COCH: variants seen among roughly 807,000 people sequenced by gnomAD.
COCH encodes the protein cochlin.
A neutral mutation model predicts 54.8 loss-of-function variants in COCH; 40 were observed. The ratio of observed to expected loss-of-function variants is 0.73; its 90% confidence interval spans 0.57 to 0.95. The LOEUF is 0.95. COCH is among the 40% of genes least tolerant of loss of function. The pLI, the probability that COCH is intolerant of heterozygous loss-of-function variation, is 0.00. For missense variants in COCH, 605 were observed against 675.0 expected, an observed-to-expected ratio of 0.90 and a Z score of 1.15; for synonymous variants, 256 against 237.9, an observed-to-expected ratio of 1.08 and a Z score of -0.70.
rs1895407543 is a variant in COCH, at chr14:30,877,551, T to A, written c.83-21T>A. ...CAAGAAGTCCTAAGAATGCTTACAA[T>A]ATTATCTCCTTTTTCTTCAGCTCCC... On this transcript the variant is annotated intron_variant, in intron 3 of 11. Transcript: ENST00000396618. This position sits in a 1 kb window ranked among gnomAD's most constrained non-coding sequence, Gnocchi z 8.6. 2 of 1,613,482 alleles carry A rather than the reference T, an allele frequency of 1.2e-6. No individual in the cohort carries two copies. Among genetic ancestry groups the A allele is most frequent in the South Asian group, 2.2e-5 (2 of 91,070 alleles).
intron 3 of COCH, 142 bp downstream of exon 3, chr14:30,875,245 C>A: frequency 2.5e-6 from 3 of 1,209,208 alleles, no homozygotes; most frequent in Non-Finnish European, 3.4e-6. Flanking sequence ...CCGCGTGGCG[C>A]GCCCGCGTTA....
At chr14:30,875,203 C>A in intron 3 of COCH, 100 bp downstream of exon 3, 1 of 1,465,700 alleles carries the variant, frequency 6.8e-7, no homozygotes, top group Non-Finnish European at 9.2e-7. Flanking sequence ...TCAGCCCTAC[C>A]GCCTGAGGAG....
downstream of COCH, among the ~76,000 whole-genome samples, chr14:30,893,601 C>A (rs758192159): frequency 2.0e-5 from 3 of 152,118 alleles, no homozygotes; most frequent in Non-Finnish European, 4.4e-5. Flanking sequence ...GATGTCTAAG[C>A]AAATTACTTA....
At position 30,878,940 on chromosome 14, in the gene COCH, A is replaced by G; in HGVS notation, c.369A>G (p.Val123=). The change falls in exon 5 of 12, where the codon GTA becomes GTG. Residue 123 remains valine, a synonymous_variant. Transcript: ENST00000396618. ...MLSRWSASFT[V]TKGKSSTQEA... ...CTAGATGGTCTGCTTCTTTCACAGT[A>G]ACTAGTAGGTATAATTATTGTTCTC... 6.2e-7 allele frequency: 1 copy of G among 1,613,952 alleles called. No individual in the cohort carries two copies. Among genetic ancestry groups the G allele is most frequent in the East Asian group, 2.2e-5 (1 of 44,858 alleles).
rs538754207 is a variant in COCH, at chr14:30,880,375, T to G, written c.437-77T>G. 7.7e-5 allele frequency: 123 copies of G among 1,587,638 alleles called. No individual in the cohort carries two copies. The Middle Eastern group carries it at 8.7e-4, about 11-fold the overall frequency. On this transcript the variant is annotated intron_variant, in intron 6 of 11. Transcript: ENST00000396618. ...TTTCAAGAATGGCACTCTGTTGTTA[T>G]GAGCTTCTCCCCATGTGGGTTTCTT...
chr14:30,880,758 G>T, intron 8 of COCH, 24 bp downstream of exon 8: 1 of 1,570,598 alleles, frequency 6.4e-7, no homozygotes, highest in South Asian at 1.1e-5. Context: ...TAAAATGGGA[G>T]ATTTAAAAAA....
Position 30,886,155 on chromosome 14 carries a change from G to A in COCH, c.1320G>A (p.Met440Ile), listed in dbSNP as rs1480195611. The change falls in exon 11 of 12, where the codon ATG (methionine) becomes ATA (isoleucine). Residue 440 changes from methionine to isoleucine, a missense_variant. Coordinates refer to ENST00000396618, the MANE Select transcript of COCH (RefSeq NM_004086.3). ...CTGTCATCAGAAACATCCGCTATAT[G>A]AGTGGTGGAACAGCTACTGGTGATG... ...VLAVIRNIRY[M>I]SGGTATGDAI... The A allele has an allele frequency of 1.2e-6, 2 of 1,611,878 alleles. No homozygotes were observed. Among genetic ancestry groups the A allele is most frequent in the South Asian group, 1.1e-5 (1 of 91,018 alleles).
At position 30,889,656 on chromosome 14, in the gene COCH, G is replaced by C. The variant is rs1324276867; in HGVS notation, c.1518G>C (p.Leu506=). The part of the protein sequence containing the change: ...IFSVGVAWAP[L]DDLKDMASKP... ...CTGTTGGTGTGGCTTGGGCACCTCT[G>C]GATGACCTGAAAGATATGGCTTCTA... Residue 506 remains leucine (L), a synonymous_variant, in exon 12 of 12, where the codon CTG becomes CTC. Coordinates refer to ENST00000396618, the MANE Select transcript of COCH (RefSeq NM_004086.3). The C allele has an allele frequency of 6.2e-7, 1 of 1,614,000 alleles. No homozygotes were observed. Among genetic ancestry groups the C allele is most frequent in the African/African-American group, 1.3e-5 (1 of 75,012 alleles).
At chr14:30,885,298 A>G in intron 9 of COCH, 96 bp from the exon 10 acceptor site, 2 of 1,137,816 alleles carry the variant, frequency 1.8e-6, no homozygotes, top group Non-Finnish European at 2.6e-6. Context: ...TTCTATATAT[A>G]ATTCTTAAAC....
Position 30,889,853 on chromosome 14 carries a change from T to C in COCH, c.*62T>C. On this transcript the variant is annotated 3_prime_UTR_variant, in exon 12 of 12. Transcript: ENST00000396618. ...GGGATCCAGTGTGTAAATTGTATTC[T>C]CATAATACTGAAATGCTTTAGCATA... 6.4e-7 allele frequency: 1 copy of C among 1,564,932 alleles called. No homozygotes were observed. The highest frequency in any genetic ancestry group is 8.7e-7 in the Non-Finnish European group (1 of 1,153,546).
At chr14:30,892,676 G>A (rs541204462), downstream of COCH, among the ~76,000 whole-genome samples, 46 of 152,052 alleles carry the variant, frequency 3.0e-4, no homozygotes, top group East Asian at 7.8e-3. Flanking sequence ...GTATGGTGGC[G>A]CATGCCTGTA....
chr14:30,893,946 T>C (rs897069618), downstream of COCH: 1 of 152,650 alleles, frequency 6.6e-6, no homozygotes, highest in Non-Finnish European at 1.5e-5. Flanking sequence ...AACAGCTGTA[T>C]GTTTGCTATG....
chr14:30,892,925 TC>T (rs1454805104), downstream of COCH, among the ~76,000 whole-genome samples: 2 of 152,118 alleles, frequency 1.3e-5, no homozygotes, highest in African/African-American at 4.8e-5. Context: ...TGTAATTTCT[TC>T]CCCCAGCAAC....
chr14:30,884,041 A>C (rs1108282), intron 8 of COCH, among the ~76,000 whole-genome samples: 35,048 of 152,176 alleles, frequency 0.23, 4,367 homozygotes, highest in African/African-American at 0.32. Flanking sequence ...AACAGACCCT[A>C]GTCTCATACC....
chr14:30,895,509 T>C (rs749453792), downstream of COCH: 2 of 1,614,038 alleles, frequency 1.2e-6, no homozygotes, highest in Non-Finnish European at 1.7e-6. Flanking sequence ...TCCAATTTCT[T>C]TCTGTGAGCT....
Position 30,879,578 on chromosome 14 carries a change from A to G in COCH, c.436+93A>G, listed in dbSNP as rs920359472. The stretch of plus-strand genomic sequence containing the variant: ...GTTGGTAGAAGCTTTTCTTAAAGAA[A>G]TTTGATATTAAAGAGAAACAAAGCA... On this transcript the variant is annotated intron_variant, in intron 6 of 11. Transcript: ENST00000396618. 23 of 1,305,820 alleles carry G rather than the reference A, an allele frequency of 1.8e-5. No individual in the cohort carries two copies. In the African/African-American group the frequency reaches 3.2e-4, roughly 18 times the overall value. The allele number at this position is 1,305,820 out of a possible 1,614,324, so 80.9% of individuals were successfully genotyped here.
chr14:30,895,558 T>C, downstream of COCH: 3 of 1,613,872 alleles, frequency 1.9e-6, no homozygotes, highest in Non-Finnish European at 2.5e-6. Flanking sequence ...CTAAATTCCA[T>C]AATCTGATGG....
At chr14:30,875,649 A>C in intron 3 of COCH, 1 of 242,548 alleles carries the variant, frequency 4.1e-6, no homozygotes, top group Non-Finnish European at 7.8e-6. Context: ...AGAGTTTAAA[A>C]AGTTTGTACC....
chr14:30,893,713 ATAGTGT>A (rs763289772), downstream of COCH: 3 of 152,480 alleles, frequency 2.0e-5, no homozygotes, highest in African/African-American at 7.2e-5. Context: ...GACATTATTA[ATAGTGT>A]TAGTGATCTA....
Sources: gnomAD v4.1 joint callset for allele counts (sites outside exome capture counted in the v4.1 genomes callset) on GRCh38, gnomAD v4.1.1 for gene constraint, Gnocchi (gnomAD v3.1) non-coding constraint, MANE v1.5 for transcripts, NCBI Gene and HGNC (gene_info 2026-07-23, HGNC 2026-07-21) for gene names.